The following NBAS variants were observed in gnomAD, a reference collection of about 807,000 sequenced individuals.
NBAS encodes NBAS subunit of NRZ tethering complex.
In NBAS, 219 loss-of-function variants were observed where a neutral mutation model predicts 302.5. The ratio of observed to expected loss-of-function variants is 0.72; its 90% CI spans 0.65 to 0.81. The LOEUF (loss-of-function observed/expected upper bound fraction) is 0.81, where lower values mean the gene tolerates loss of function less well. Among genes scored for constraint, NBAS ranks in the 30% least tolerant of loss-of-function variants. The pLI, the probability that NBAS is intolerant of heterozygous loss-of-function variation, is 0.00. For synonymous variants in NBAS, 1,118 were observed against 1,021.6 expected, an observed-to-expected ratio of 1.09 and a Z score of -1.80; for missense variants, 2,932 against 2,841.6, an observed-to-expected ratio of 1.03 and a Z score of -0.72.
At chr2:14,849,934 T>C in the NBAS span, among the ~76,000 whole-genome samples, 2 of 137,816 alleles carry the variant, frequency 1.5e-5, no homozygotes, top group African/African-American at 6.7e-5. Context: ...AAGGAAGTGC[T>C]AAACATGGAA....
the NBAS span, among the ~76,000 whole-genome samples, chr2:14,800,638 A>T: frequency 6.6e-6 from 1 of 152,104 alleles, no homozygotes; most frequent in African/African-American, 2.4e-5. Flanking sequence ...AATTTGTGAC[A>T]CTTTATTACA....
the NBAS span, among the ~76,000 whole-genome samples, chr2:15,133,048 T>G: frequency 6.6e-6 from 1 of 152,238 alleles, no homozygotes. Context: ...TCAAGAAATA[T>G]CATGCATCTT....
chr2:15,169,884 G>A (rs1053146129), intron 51 of NBAS, among the ~76,000 whole-genome samples: 1 of 152,186 alleles, frequency 6.6e-6, no homozygotes, highest in Non-Finnish European at 1.5e-5. Flanking sequence ...CACACACAGG[G>A]CATCTGAGTT....
In NBAS at chr2:15,533,999, A is replaced by G. The variant is rs79772934; in HGVS notation, c.746+544T>C. Reference sequence around the variant, plus strand: ...AAACGTATATGGCTTCTGTTCTCAAATAACAAAATTAAAGGGGAGAAATCA... The same window carrying G: ...AAACGTATATGGCTTCTGTTCTCAAGTAACAAAATTAAAGGGGAGAAATCA... On this transcript the variant is annotated intron_variant, in intron 9 of 51. Coordinates refer to ENST00000281513, the MANE Select transcript of NBAS (RefSeq NM_015909.4). Among the ~76,000 whole-genome samples, 725 of 152,294 alleles carry G rather than the reference A, an allele frequency of 4.8e-3. 8 individuals are homozygous for G. Among genetic ancestry groups the G allele is most frequent in the African/African-American group, 0.016 (671 of 41,556 alleles).
At chr2:15,187,235 GT>G (rs1665131209) in intron 49 of NBAS, among the ~76,000 whole-genome samples, 1 of 152,016 alleles carries the variant, frequency 6.6e-6, no homozygotes, top group Non-Finnish European at 1.5e-5. Flanking sequence ...CTGGGCCTCA[GT>G]TTTTTTCACT....
At chr2:15,351,094 G>A (rs59199971) in intron 35 of NBAS, among the ~76,000 whole-genome samples, 10,166 of 152,134 alleles carry the variant, frequency 0.067, 981 homozygotes, top group African/African-American at 0.21. Flanking sequence ...AGGTCAATCA[G>A]TGTTCATATG....
intron 35 of NBAS, among the ~76,000 whole-genome samples, chr2:15,337,071 C>T (rs375924501): frequency 2.0e-5 from 3 of 152,028 alleles, no homozygotes; most frequent in South Asian, 2.1e-4. Flanking sequence ...GCCAGGAGTT[C>T]GAGACTGGCC....
the NBAS span, among the ~76,000 whole-genome samples, chr2:14,874,778 T>G: frequency 6.8e-6 from 1 of 146,908 alleles, no homozygotes; most frequent in South Asian, 2.1e-4. Flanking sequence ...AAATACAATT[T>G]TTAAATATTT....
the NBAS span, among the ~76,000 whole-genome samples, chr2:14,783,318 T>TTTATTA: frequency 6.6e-6 from 1 of 151,504 alleles, no homozygotes; most frequent in Non-Finnish European, 1.5e-5. Context: ...AATTCTTTTT[T>TTTATTA]TTATTATTAT....
At chr2:15,534,507 A>G (rs1167832946) in intron 9 of NBAS, 36 bp downstream of exon 9, 1 of 1,408,722 alleles carries the variant, frequency 7.1e-7, no homozygotes, top group South Asian at 1.1e-5. Context: ...CAACATTTCT[A>G]TGTCCCACTA....
intron 31 of NBAS, among the ~76,000 whole-genome samples, chr2:15,367,129 G>A (rs1674249940): frequency 6.6e-6 from 1 of 152,040 alleles, no homozygotes; most frequent in Non-Finnish European, 1.5e-5. Flanking sequence ...CATTACCCCA[G>A]TTTGGAAGGC....
At chr2:14,973,665 T>C in the NBAS span, among the ~76,000 whole-genome samples, 1 of 152,096 alleles carries the variant, frequency 6.6e-6, no homozygotes, top group African/African-American at 2.4e-5. Context: ...TAAAGCTAGG[T>C]GTTATTTCTT....
chr2:14,993,368 G>T, the NBAS span, among the ~76,000 whole-genome samples: 1,223 of 152,224 alleles, frequency 8.0e-3, 8 homozygotes, highest in Middle Eastern at 0.034. Context: ...ATGAGGAGGG[G>T]ACAGAGGAGC....
At chr2:15,062,894 G>A in the NBAS span, among the ~76,000 whole-genome samples, 1 of 152,212 alleles carries the variant, frequency 6.6e-6, no homozygotes, top group Non-Finnish European at 1.5e-5. Context: ...ACTAGTCTTA[G>A]GCAAGGAGGA....
the NBAS span, among the ~76,000 whole-genome samples, chr2:14,787,883 G>C: frequency 6.6e-6 from 1 of 152,222 alleles, no homozygotes; most frequent in East Asian, 1.9e-4. Flanking sequence ...TGCTAGATTG[G>C]GGAAGTTCTC....
intron 13 of NBAS, among the ~76,000 whole-genome samples, 157 bp downstream of exon 13, chr2:15,478,069 A>C (rs1475563388): frequency 8.1e-5 from 4 of 49,378 alleles, no homozygotes; most frequent in Admixed American, 2.0e-4. Flanking sequence ...ACCATCAGAA[A>C]ACTGGATCTG....
chr2:15,146,541 T>TG, the NBAS span, among the ~76,000 whole-genome samples: 1 of 152,178 alleles, frequency 6.6e-6, no homozygotes, highest in South Asian at 2.1e-4. Flanking sequence ...CACAAGGGGC[T>TG]GAGAGGGGCT....
the NBAS span, among the ~76,000 whole-genome samples, chr2:14,920,766 C>G: frequency 6.6e-6 from 1 of 152,148 alleles, no homozygotes; most frequent in African/African-American, 2.4e-5. Context: ...GCAGCTTTCT[C>G]ACCTCTCTGA....
the NBAS span, among the ~76,000 whole-genome samples, chr2:15,011,090 A>G: frequency 6.6e-6 from 1 of 152,236 alleles, no homozygotes; most frequent in East Asian, 1.9e-4. Flanking sequence ...GTGGGGCCTA[A>G]GCATTTCACC....
Sources: gnomAD v4.1 joint callset for allele counts (sites outside exome capture counted in the v4.1 genomes callset) on GRCh38, gnomAD v4.1.1 for gene constraint, MANE v1.5 for transcripts, NCBI Gene and HGNC (gene_info 2026-07-23, HGNC 2026-07-21) for gene names.